Variants in CENPQ observed in about 807,000 individuals in gnomAD.
CENPQ encodes chromosome 6 open reading frame 139.
A neutral mutation model predicts 36.6 loss-of-function variants in CENPQ; 27 were observed. That is an observed-to-expected ratio of 0.74 (90% CI 0.54 to 1.02). CENPQ has a LOEUF of 1.02. Ranked by LOEUF, CENPQ falls within the 50% of genes least tolerant of loss-of-function variation. The probability of loss-of-function intolerance (pLI) is 0.00; values close to 1 mark genes in which losing one functional copy is unlikely to be tolerated. For missense variants in CENPQ, 306 were observed against 301.8 expected (o/e 1.01, Z -0.10); for synonymous variants, 101 against 101.7 (o/e 0.99, Z 0.04).
In CENPQ at chr6:49,470,227, A is replaced by T. The variant is rs1203342612; in HGVS notation, c.51A>T (p.Arg17Ser). 8 of 1,611,684 alleles carry T rather than the reference A, an allele frequency of 5.0e-6. No homozygotes were observed. The East Asian group carries it at 1.8e-4, about 36-fold the overall frequency. Reference protein sequence around the residue: ...ASKKNAQQLKRNPKRKKDNEE... With the variant: ...ASKKNAQQLKSNPKRKKDNEE... The stretch of plus-strand genomic sequence containing the variant: ...AGAAAAACGCTCAACAGTTAAAAAG[A>T]AATCCAAAGAGAAAAAAGGATAATG... Residue 17 changes from arginine to serine, a missense_variant, in exon 2 of 9, where the codon AGA (arginine) becomes AGT (serine). Physicochemically the swap from Arg to Ser is moderately radical, Grantham distance 110. Transcript: ENST00000335783.
At chr6:49,476,949 G>A (rs138696608) in intron 5 of CENPQ, among the ~76,000 whole-genome samples, 193 of 152,324 alleles carry the variant, frequency 1.3e-3, no homozygotes, top group Non-Finnish European at 2.2e-3. Context: ...TGCAGAAATA[G>A]GAACACTTTT....
At chr6:49,475,679 T>C (rs1768269736) in intron 5 of CENPQ, among the ~76,000 whole-genome samples, 1 of 151,862 alleles carries the variant, frequency 6.6e-6, no homozygotes, top group African/African-American at 2.4e-5. Context: ...AAAACCCCAT[T>C]GTCTCAGCCC....
intron 6 of CENPQ, among the ~76,000 whole-genome samples, chr6:49,483,769 C>T (rs1338393264): frequency 1.3e-5 from 2 of 152,244 alleles, no homozygotes. Context: ...AAGCACCGGG[C>T]GCAGCCCCGG....
chr6:49,472,593 G>A (rs907340804), intron 4 of CENPQ, among the ~76,000 whole-genome samples, 197 bp from the exon 5 acceptor site: 2 of 152,102 alleles, frequency 1.3e-5, no homozygotes, highest in African/African-American at 2.4e-5. Context: ...TTACAATACA[G>A]TGTGGCAAAA....
At position 49,475,330 on chromosome 6, in the gene CENPQ, T is replaced by C. The variant is rs559327326; in HGVS notation, c.347+2472T>C. ...CAAACCAAAAACAAAAACCACATGA[T>C]TATCTCACTAGATGCAGAAAAGGCC... On this transcript the variant is annotated intron_variant, in intron 5 of 8. Transcript: ENST00000335783. 1.8e-4 allele frequency among the ~76,000 whole-genome samples: 28 copies of C among 152,264 alleles called. No individual in the cohort carries two copies. In the South Asian group the frequency reaches 5.8e-3, roughly 32 times the overall value.
At chr6:49,473,686 T>C (rs1052618725) in intron 5 of CENPQ, among the ~76,000 whole-genome samples, 1 of 152,144 alleles carries the variant, frequency 6.6e-6, no homozygotes, top group Non-Finnish European at 1.5e-5. Flanking sequence ...ACCTTAAATG[T>C]AAATGGGCTA....
At chr6:49,473,792 C>T (rs985599367) in intron 5 of CENPQ, among the ~76,000 whole-genome samples, 2 of 152,020 alleles carry the variant, frequency 1.3e-5, no homozygotes, top group African/African-American at 2.4e-5. Context: ...TGCAGAGATA[C>T]GCATAGGCTC....
chr6:49,474,422 G>A (rs1768223363), intron 5 of CENPQ, among the ~76,000 whole-genome samples: 1 of 152,040 alleles, frequency 6.6e-6, no homozygotes, highest in Admixed American at 6.5e-5. Flanking sequence ...TGACTACTGG[G>A]TACATAACGA....
intron 8 of CENPQ, among the ~76,000 whole-genome samples, chr6:49,490,999 T>A (rs944625424): frequency 1.3e-5 from 2 of 152,178 alleles, no homozygotes; most frequent in African/African-American, 4.8e-5. Flanking sequence ...CAAAATGTGA[T>A]GTAGAGATAC....
At chr6:49,486,068 T>C (rs1768571826) in intron 6 of CENPQ, among the ~76,000 whole-genome samples, 1 of 151,992 alleles carries the variant, frequency 6.6e-6, no homozygotes, top group Admixed American at 6.6e-5. Flanking sequence ...AGTGTTCTTA[T>C]AAAAGACAAG....
chr6:49,472,966 T>C (rs562415100), intron 5 of CENPQ, 108 bp downstream of exon 5: 3 of 784,808 alleles, frequency 3.8e-6, no homozygotes, highest in East Asian at 7.8e-5. Flanking sequence ...TCTTTTTTTT[T>C]AGAGAAGGTG....
intron 5 of CENPQ, among the ~76,000 whole-genome samples, chr6:49,477,311 A>G (rs574293802): frequency 6.6e-5 from 10 of 151,850 alleles, no homozygotes; most frequent in African/African-American, 1.7e-4. Flanking sequence ...TCAGCAAACT[A>G]TCACAAGGAT....
Position 49,476,872 on chromosome 6 carries a change from A to T in CENPQ, c.347+4014A>T, listed in dbSNP as rs544112490. ...ACGCAAATCAAAACCACAATGAGATACCATCTCACACCAGTTAGAATGGCG... is the reference window on the plus strand; with the variant it reads ...ACGCAAATCAAAACCACAATGAGATTCCATCTCACACCAGTTAGAATGGCG... On this transcript the variant is annotated intron_variant, in intron 5 of 8. Transcript: ENST00000335783. Among the ~76,000 whole-genome samples the T allele has an allele frequency of 1.3e-3, 203 of 152,354 alleles. 2 individuals carry two copies. Among genetic ancestry groups the T allele is most frequent in the African/African-American group, 4.7e-3 (197 of 41,580 alleles).
In CENPQ at chr6:49,488,414, G is replaced by A; in HGVS notation, c.540G>A (p.Lys180=). The A allele has an allele frequency of 2.5e-6, 4 of 1,612,726 alleles. No homozygotes were observed. Among genetic ancestry groups the A allele is most frequent in the Non-Finnish European group, 3.4e-6 (4 of 1,178,986 alleles). ...ELMTGNIQSL[K]NKIQILASEV... ...TGACTGGGAATATTCAGAGCCTAAA[G>A]AACAAAATTCAGATTCTGGCAAGTG... Residue 180 remains lysine (K), a synonymous_variant, in exon 7 of 9, where the codon AAG becomes AAA. Transcript: ENST00000335783.
At chr6:49,479,772 A>G (rs1393314500) in intron 5 of CENPQ, among the ~76,000 whole-genome samples, 1 of 152,198 alleles carries the variant, frequency 6.6e-6, no homozygotes, top group Non-Finnish European at 1.5e-5. Flanking sequence ...TACATATAAA[A>G]CTTGGAATGC....
intron 2 of CENPQ, among the ~76,000 whole-genome samples, chr6:49,470,622 CA>C (rs1199878940): frequency 0.33 from 22,596 of 67,546 alleles, 758 homozygotes; most frequent in South Asian, 0.38. Flanking sequence ...GACTCCGTCT[CA>C]AAAAAAAAAA....
chr6:49,488,994 A>T (rs569820424), intron 8 of CENPQ, among the ~76,000 whole-genome samples: 31 of 152,230 alleles, frequency 2.0e-4, no homozygotes, highest in African/African-American at 6.5e-4. Context: ...TCTTGCCTCA[A>T]TGTTGATGGC....
intron 6 of CENPQ, among the ~76,000 whole-genome samples, chr6:49,486,697 G>A (rs2127427815): frequency 6.6e-6 from 1 of 152,178 alleles, no homozygotes; most frequent in Middle Eastern, 3.4e-3. Context: ...AATTTATTGA[G>A]ATTTTTTTAA....
In CENPQ at chr6:49,480,939, T is replaced by A; in HGVS notation, c.348-12T>A. ...AAATAAACAAAATAATTGTTTTTAT[T>A]TTATCCTTAAGATTGCTACAACAGT... On this transcript the variant is annotated splice_polypyrimidine_tract_variant and intron_variant, in intron 5 of 8. Coordinates refer to ENST00000335783, the MANE Select transcript of CENPQ (RefSeq NM_018132.4). 4 of 1,555,964 alleles carry A rather than the reference T, an allele frequency of 2.6e-6. No individual in the cohort carries two copies. Among genetic ancestry groups the A allele is most frequent in the Non-Finnish European group, 3.5e-6 (4 of 1,153,312 alleles).
Sources: allele counts gnomAD v4.1 joint callset (sites outside exome capture counted in the v4.1 genomes callset), GRCh38; gene constraint gnomAD v4.1.1; transcripts MANE v1.5; gene names NCBI Gene and HGNC (gene_info 2026-07-23, HGNC 2026-07-21).